CADM1: variants seen among roughly 807,000 people sequenced by gnomAD.
CADM1 encodes the protein cell adhesion molecule 1, also known as TSLC-1.
CADM1 carries 15 observed loss-of-function variants against 53.1 expected under a neutral mutation model. That is an observed-to-expected ratio of 0.28 (90% CI 0.19 to 0.44). The LOEUF is 0.44. Ranked by LOEUF, CADM1 falls within the 20% of genes least tolerant of loss-of-function variation. The pLI is 1.00. For synonymous variants in CADM1, 281 were observed against 243.0 expected, an observed-to-expected ratio of 1.16 and a Z score of -1.45; for missense variants, 434 against 611.3, an observed-to-expected ratio of 0.71 and a Z score of 3.06.
chr11:115,346,512 G>A (rs754015156), intron 1 of CADM1, among the ~76,000 whole-genome samples: 2 of 152,080 alleles, frequency 1.3e-5, no homozygotes, highest in African/African-American at 2.4e-5. Context: ...GGGAATACAG[G>A]CTTGAGCCAC....
intron 2 of CADM1, among the ~76,000 whole-genome samples, 196 bp downstream of exon 2, chr11:115,240,074 CCTTA>C (rs1591634768): frequency 6.6e-6 from 1 of 152,084 alleles, no homozygotes; most frequent in East Asian, 1.9e-4. Context: ...AGTAAGACTG[CCTTA>C]CTTTTAAAAG....
chr11:115,226,608 G>A (rs1047184706), intron 5 of CADM1, among the ~76,000 whole-genome samples: 6 of 152,100 alleles, frequency 3.9e-5, no homozygotes, highest in African/African-American at 1.2e-4. Flanking sequence ...TCATGTATTC[G>A]AGTGTCTCTT....
chr11:115,438,283 T>C (rs1446753578), intron 1 of CADM1, among the ~76,000 whole-genome samples: 3 of 152,138 alleles, frequency 2.0e-5, no homozygotes, highest in Non-Finnish European at 4.4e-5. Context: ...TGAATAGGGT[T>C]TCCAGATCTT....
intron 1 of CADM1, among the ~76,000 whole-genome samples, chr11:115,453,644 A>G (rs1948623497): frequency 2.6e-5 from 4 of 152,118 alleles, no homozygotes; most frequent in Admixed American, 2.6e-4. Context: ...AACTACAGGC[A>G]TGCCCCAACA....
At chr11:115,256,736 T>C in intron 1 of CADM1, 2 of 450,024 alleles carry the variant, frequency 4.4e-6, no homozygotes, top group South Asian at 1.6e-5. Flanking sequence ...GTTCCTATTG[T>C]TTGTGTTCCT....
intron 1 of CADM1, among the ~76,000 whole-genome samples, chr11:115,479,070 C>T (rs146469973): frequency 3.5e-4 from 54 of 152,140 alleles, no homozygotes; most frequent in South Asian, 1.7e-3. Context: ...ATACAATAAA[C>T]GTATAAAAAA....
intron 1 of CADM1, among the ~76,000 whole-genome samples, chr11:115,410,484 A>C (rs528252622): frequency 6.6e-6 from 1 of 152,294 alleles, no homozygotes; most frequent in Non-Finnish European, 1.5e-5. Context: ...GTCTAGAGGC[A>C]GAATGGGAGG....
chr11:115,404,625 A>G (rs1358448449), intron 1 of CADM1, among the ~76,000 whole-genome samples: 2 of 150,502 alleles, frequency 1.3e-5, no homozygotes, highest in Non-Finnish European at 3.0e-5. Flanking sequence ...AATAAAAAAA[A>G]ACAAGCCATA....
At chr11:115,318,055 AT>A (rs1300380519) in intron 1 of CADM1, among the ~76,000 whole-genome samples, 1 of 151,796 alleles carries the variant, frequency 6.6e-6, no homozygotes, top group Non-Finnish European at 1.5e-5. Flanking sequence ...ATTTTTTTTA[AT>A]TTGAAAGCAA....
intron 1 of CADM1, among the ~76,000 whole-genome samples, chr11:115,292,470 C>G (rs1359836323): frequency 1.3e-5 from 2 of 152,158 alleles, no homozygotes; most frequent in Non-Finnish European, 2.9e-5. Flanking sequence ...AGAGGGGAAG[C>G]ACGGCACATC....
chr11:115,335,152 C>A (rs772381441), intron 1 of CADM1, among the ~76,000 whole-genome samples: 1 of 152,056 alleles, frequency 6.6e-6, no homozygotes, highest in Non-Finnish European at 1.5e-5. Flanking sequence ...AATTTTACCA[C>A]GTCAGGGGTG....
At chr11:115,407,781 G>T (rs1442581044) in intron 1 of CADM1, among the ~76,000 whole-genome samples, 1 of 149,914 alleles carries the variant, frequency 6.7e-6, no homozygotes, top group Non-Finnish European at 1.5e-5. Flanking sequence ...AAGGAAGGAG[G>T]GTCACCTGAG....
chr11:115,330,840 GT>G (rs1194692885), intron 1 of CADM1, among the ~76,000 whole-genome samples: 1 of 152,208 alleles, frequency 6.6e-6, no homozygotes, highest in East Asian at 1.9e-4. Context: ...CAGAACCTGG[GT>G]GGGAGCCAGG....
intron 1 of CADM1, chr11:115,445,669 C>A: frequency 2.7e-6 from 1 of 366,252 alleles, no homozygotes; most frequent in South Asian, 2.0e-5. Flanking sequence ...CATGGCAACA[C>A]CCTGTCTCAA....
intron 2 of CADM1, 142 bp downstream of exon 2, chr11:115,240,132 T>C: frequency 1.4e-6 from 1 of 739,436 alleles, no homozygotes; most frequent in South Asian, 1.6e-5. Flanking sequence ...TATGATTGCC[T>C]GTCTCTTCTT....
At chr11:115,420,307 T>A (rs2135268397) in intron 1 of CADM1, among the ~76,000 whole-genome samples, 1 of 152,340 alleles carries the variant, frequency 6.6e-6, no homozygotes, top group South Asian at 2.1e-4. Flanking sequence ...GACTTGCTCC[T>A]GATCATTGTG....
chr11:115,305,339 C>T (rs1247211664), intron 1 of CADM1, among the ~76,000 whole-genome samples: 1 of 151,992 alleles, frequency 6.6e-6, no homozygotes, highest in Non-Finnish European at 1.5e-5. Flanking sequence ...CAACCCAGTT[C>T]GCATTATCAG....
chr11:115,240,089 G>C (rs527775127), intron 2 of CADM1, among the ~76,000 whole-genome samples, 185 bp downstream of exon 2: 1 of 152,156 alleles, frequency 6.6e-6, no homozygotes, highest in East Asian at 1.9e-4. Flanking sequence ...CTTTTAAAAG[G>C]GGCCATTCAA....
chr11:115,489,622 T>C (rs1466989870), intron 1 of CADM1, among the ~76,000 whole-genome samples: 1 of 152,186 alleles, frequency 6.6e-6, no homozygotes, highest in Non-Finnish European at 1.5e-5. Flanking sequence ...GTGGAAGGTA[T>C]GAGGATAGGA....
Sources: gnomAD v4.1 joint callset for allele counts (sites outside exome capture counted in the v4.1 genomes callset) on GRCh38, gnomAD v4.1.1 for gene constraint, MANE v1.5 for transcripts, NCBI Gene and HGNC (gene_info 2026-07-23, HGNC 2026-07-21) for gene names.